Variants in LRRD1 observed in about 807,000 individuals in gnomAD.
The protein encoded by LRRD1 is leucine rich repeats and death domain containing 1.
Under a neutral mutation model 69.5 loss-of-function variants are expected in LRRD1, and 49 were observed. The ratio of observed to expected loss-of-function variants is 0.70; its 90% CI spans 0.56 to 0.89. LRRD1 has a LOEUF of 0.89. LRRD1 is among the 40% of genes least tolerant of loss of function. LRRD1 has a pLI of 0.00. For synonymous variants in LRRD1, 303 were observed against 338.9 expected (o/e 0.89, Z 1.16); for missense variants, 853 against 956.0 (o/e 0.89, Z 1.42).
In LRRD1 at chr7:92,163,662, T is replaced by C; in HGVS notation, c.1541A>G (p.His514Arg). 1.3e-6 allele frequency: 2 copies of C among 1,501,588 alleles called. No individual in the cohort carries two copies. The highest frequency in any genetic ancestry group is 1.8e-6 in the Non-Finnish European group (2 of 1,128,114). The allele number at this position is 1,501,588 out of a possible 1,614,324, so 93.0% of individuals were successfully genotyped here. A position where few individuals can be genotyped will look rare whatever the true frequency, so the allele number is the denominator to read the frequency against. ...VDISFSKQLL[H>R]LELSENKLLI... ...GAGTTTGTTTTCACTCAATTCTAAA[T>C]GAAGCAGTTGTTTACTGAAAGATAT... is the stretch of plus-strand genomic sequence containing the variant. Residue 514 changes from histidine (H) to arginine (R), a missense_variant, in exon 2 of 6, where the codon CAT becomes CGT. Physicochemically the swap from His to Arg is conservative, Grantham distance 29. Coordinates refer to ENST00000458448, the MANE Select transcript of LRRD1 (RefSeq NM_001161528.2).
In LRRD1 at chr7:92,163,849, T is replaced by G; in HGVS notation, c.1354A>C (p.Ile452Leu). ...NICSLEFSGN[I>L]ITDVPIEIKN... ...ATTTCAATGGGAACATCTGTGATTATGTTTCCTGAAAATTCTAGACTGCAT... is the reference window on the plus strand; with the variant it reads ...ATTTCAATGGGAACATCTGTGATTAGGTTTCCTGAAAATTCTAGACTGCAT... The change falls in exon 2 of 6, where the codon ATA becomes CTA. Residue 452 changes from isoleucine to leucine, a missense_variant. Physicochemically the swap from Ile to Leu is conservative, Grantham distance 5. Transcript: ENST00000458448. 4.0e-6 allele frequency: 6 copies of G among 1,503,830 alleles called. No individual in the cohort carries two copies. The highest frequency in any genetic ancestry group is 5.3e-6 in the Non-Finnish European group (6 of 1,130,808). 93.2% of individuals were successfully genotyped at this position (1,503,830 alleles called of 1,614,324 possible).
At chr7:92,141,898 C>T (rs1018977439), downstream of LRRD1, 1 of 152,132 alleles carries the variant, frequency 6.6e-6, no homozygotes, top group African/African-American at 2.4e-5. Flanking sequence ...TATGGTCTCA[C>T]ATAGAAAATT....
chr7:92,170,119 AGGAAGGAAGGGAGGAAGGAAGGAC>A (rs1273193297), intron 1 of LRRD1, among the ~76,000 whole-genome samples: 37 of 151,028 alleles, frequency 2.4e-4, no homozygotes, highest in African/African-American at 8.3e-4. Flanking sequence ...AGAGGAAGGA[AGGAAGGAAGGGAGGAAGGAAGGAC>A]GGAAGGAAGG....
In LRRD1 at chr7:92,146,174, T is replaced by C; in HGVS notation, c.2305A>G (p.Ile769Val). The C allele has an allele frequency of 6.6e-7, 1 of 1,517,268 alleles. No individual in the cohort carries two copies. Among genetic ancestry groups the C allele is most frequent in the Non-Finnish European group, 8.8e-7 (1 of 1,130,124 alleles). 94.0% of individuals were successfully genotyped at this position (1,517,268 alleles called of 1,614,324 possible). ...DEKILEKIFK[I>V]VANNITETNF... is the part of the protein sequence containing the mutation. ...GTTTCAGTGATGTTGTTGGCAACTA[T>C]CTTGAATATCTTCTCTAAAATTTTC... Residue 769 changes from isoleucine to valine, a missense_variant, in exon 5 of 6, where the codon ATA (isoleucine) becomes GTA (valine). Coordinates refer to ENST00000458448, the MANE Select transcript of LRRD1 (RefSeq NM_001161528.2).
In LRRD1 at chr7:92,163,463, A is replaced by G; in HGVS notation, c.1740T>C (p.Asn580=). The change falls in exon 2 of 6, where the codon AAT becomes AAC. Residue 580 remains asparagine, a synonymous_variant. Coordinates refer to ENST00000458448, the MANE Select transcript of LRRD1 (RefSeq NM_001161528.2). ...TTTCCGAAAGATCAAGTACTTGCAA[A>G]TTTTCTAAAGTACACAATTCTCTAG... The part of the protein sequence containing the change: ...TFPRELCTLE[N]LQVLDLSENQ... 1 of 1,542,000 alleles carries G rather than the reference A, an allele frequency of 6.5e-7. No individual in the cohort carries two copies. The highest frequency in any genetic ancestry group is 8.7e-7 in the Non-Finnish European group (1 of 1,143,768).
At chr7:92,174,868 C>T (rs986071142) in intron 1 of LRRD1, among the ~76,000 whole-genome samples, 1 of 151,670 alleles carries the variant, frequency 6.6e-6, no homozygotes, top group Non-Finnish European at 1.5e-5. Context: ...TCAAGACCAA[C>T]CTGGCCAACA....
At chr7:92,148,490 TAA>T (rs34950690) in intron 4 of LRRD1, among the ~76,000 whole-genome samples, 3 of 146,566 alleles carry the variant, frequency 2.0e-5, no homozygotes, top group East Asian at 2.0e-4. Context: ...TATATATATA[TAA>T]AATTCCAATC....
Position 92,145,012 on chromosome 7 carries a change from T to C in LRRD1, c.2459A>G (p.Lys820Arg), listed in dbSNP as rs1446639898. 1 of 1,536,646 alleles carries C rather than the reference T, an allele frequency of 6.5e-7. No individual in the cohort carries two copies. Among genetic ancestry groups the C allele is most frequent in the South Asian group, 1.2e-5 (1 of 80,940 alleles). The change falls in exon 6 of 6, where the codon AAG becomes AGG. Residue 820 changes from lysine to arginine, a missense_variant. By Grantham distance (26) the Lys-to-Arg change is conservative. Coordinates refer to ENST00000458448, the MANE Select transcript of LRRD1 (RefSeq NM_001161528.2). ...TAAAGCAGCAGCAGTTAGTGATAAC[T>C]TGTTACTTTGTGTTTTCCATATAAC... is the stretch of plus-strand genomic sequence containing the variant. Reference protein sequence around the residue: ...ALVIWKTQSNKLSLTAAALRD... With the variant: ...ALVIWKTQSNRLSLTAAALRD...
Position 92,153,690 on chromosome 7 carries a change from G to C in LRRD1, c.2117-2995C>G, listed in dbSNP as rs1038001590. On this transcript the variant is annotated intron_variant, in intron 3 of 5. Transcript: ENST00000458448. ...ACTAAAAGTATACAAAAATTAGCTGGGCATGGTGGCAGGCGCCTGTAATCC... is the reference window on the plus strand; with the variant it reads ...ACTAAAAGTATACAAAAATTAGCTGCGCATGGTGGCAGGCGCCTGTAATCC... Among the ~76,000 whole-genome samples, 12 of 151,048 alleles carry C rather than the reference G, an allele frequency of 7.9e-5. No homozygotes were observed. The East Asian group carries it at 2.4e-3, about 30-fold the overall frequency.
At chr7:92,174,769 A>G (rs891371733) in intron 1 of LRRD1, among the ~76,000 whole-genome samples, 2 of 151,866 alleles carry the variant, frequency 1.3e-5, no homozygotes, top group African/African-American at 2.4e-5. Context: ...TATTAAGATA[A>G]TCTATGTCCA....
Position 92,159,016 on chromosome 7 carries a change from A to G in LRRD1, c.2105T>C (p.Leu702Pro). 6.5e-7 allele frequency: 1 copy of G among 1,544,358 alleles called. No individual in the cohort carries two copies. Among genetic ancestry groups the G allele is most frequent in the Non-Finnish European group, 8.7e-7 (1 of 1,144,764 alleles). ...SLLSLNDLQQ[L>P]NLSGNNLTAL... ...TGCTTGACACTCACCACTCAGGTTTAGTTGCTGCAGATCATTTAAAGATAG... is the reference window on the plus strand; with the variant it reads ...TGCTTGACACTCACCACTCAGGTTTGGTTGCTGCAGATCATTTAAAGATAG... The change falls in exon 3 of 6, where the codon CTA (leucine) becomes CCA (proline). Residue 702 changes from leucine to proline, a missense_variant. Leu to Pro is a moderately conservative substitution (Grantham distance 98). Transcript: ENST00000458448.
intron 1 of LRRD1, among the ~76,000 whole-genome samples, chr7:92,167,393 A>G (rs908372458): frequency 6.6e-6 from 1 of 151,098 alleles, no homozygotes; most frequent in Non-Finnish European, 1.5e-5. Context: ...TAAACTTTTT[A>G]GTTTTGGTAA....
downstream of LRRD1, chr7:92,142,459 C>T (rs778014869): frequency 1.3e-4 from 61 of 456,710 alleles, no homozygotes; most frequent in Non-Finnish European, 2.3e-4. Context: ...GACTCATAAC[C>T]TACCCGCAGA....
At chr7:92,143,616 C>A (rs867024932), downstream of LRRD1, among the ~76,000 whole-genome samples, 1 of 152,096 alleles carries the variant, frequency 6.6e-6, no homozygotes, top group African/African-American at 2.4e-5. Context: ...CCGGCCGCTC[C>A]GAGTGCGGGG....
chr7:92,176,170 T>C (rs534679843), intron 1 of LRRD1, among the ~76,000 whole-genome samples: 1 of 152,296 alleles, frequency 6.6e-6, no homozygotes, highest in South Asian at 2.1e-4. Flanking sequence ...ATTTGTAACT[T>C]TATTTGGGAA....
At chr7:92,149,768 G>A (rs1195415896) in intron 4 of LRRD1, 1 of 267,968 alleles carries the variant, frequency 3.7e-6, no homozygotes, top group Non-Finnish European at 8.0e-6. Context: ...GCCCAGGCTG[G>A]TCTCGAACTT....
At chr7:92,159,528 G>C (rs1788752589) in intron 2 of LRRD1, among the ~76,000 whole-genome samples, 1 of 149,196 alleles carries the variant, frequency 6.7e-6, no homozygotes. Flanking sequence ...ATCTGACCCT[G>C]TTTTGGCTTC....
intron 1 of LRRD1, among the ~76,000 whole-genome samples, chr7:92,170,143 C>CGGAAGGAAGGAAGGAAGGAG (rs1789019769): frequency 2.4e-5 from 3 of 124,668 alleles, no homozygotes; most frequent in Admixed American, 8.8e-5. Context: ...GAAGGAAGGA[C>CGGAAGGAAGGAAGGAAGGAG]GGAAGGAAGG....
chr7:92,167,577 T>C (rs1007299510), intron 1 of LRRD1, among the ~76,000 whole-genome samples: 4 of 151,264 alleles, frequency 2.6e-5, no homozygotes, highest in African/African-American at 9.7e-5. Context: ...TCTGGGGTAG[T>C]TAAGAAGTTA....
Sources: gnomAD v4.1 joint callset for allele counts (sites outside exome capture counted in the v4.1 genomes callset) on GRCh38, gnomAD v4.1.1 for gene constraint, MANE v1.5 for transcripts, NCBI Gene and HGNC (gene_info 2026-07-23, HGNC 2026-07-21) for gene names.